ARHGAP24: variants seen among roughly 807,000 people sequenced by gnomAD.
ARHGAP24 encodes the protein rho GTPase-activating protein 24.
In ARHGAP24, 50 loss-of-function variants were observed where a neutral mutation model predicts 76.4. That is an observed-to-expected ratio of 0.65 (90% CI 0.52 to 0.83). ARHGAP24 has a LOEUF of 0.83. Ranked by LOEUF, ARHGAP24 falls within the 40% of genes least tolerant of loss-of-function variation. The pLI is 0.00. For missense variants in ARHGAP24, 930 were observed against 914.2 expected (o/e 1.02, Z -0.22); for synonymous variants, 345 against 323.3 (o/e 1.07, Z -0.72).
chr4:85,542,891 A>G (rs1342907069), intron 1 of ARHGAP24, among the ~76,000 whole-genome samples: 1 of 152,088 alleles, frequency 6.6e-6, no homozygotes, highest in Non-Finnish European at 1.5e-5. Context: ...TGAAATAGGG[A>G]TGATAATAAT....
chr4:85,666,181 A>G lies in ARHGAP24; in HGVS notation c.181-55704A>G, dbSNP rs865929579. On this transcript the variant is annotated intron_variant, in intron 2 of 9. Coordinates refer to ENST00000395184, the MANE Select transcript of ARHGAP24 (RefSeq NM_001025616.3). ...TCAGATGTAGATTTGGTCTTTTCACATAGTCCTGTATTTCTTGGAGGCTTT... is the reference window on the plus strand; with the variant it reads ...TCAGATGTAGATTTGGTCTTTTCACGTAGTCCTGTATTTCTTGGAGGCTTT... Among the ~76,000 whole-genome samples the G allele has an allele frequency of 3.9e-5, 6 of 152,196 alleles. No individual in the cohort carries two copies. The South Asian group carries it at 1.2e-3, about 31-fold the overall frequency.
At chr4:85,624,605 T>A (rs972119717) in intron 2 of ARHGAP24, among the ~76,000 whole-genome samples, 1 of 152,220 alleles carries the variant, frequency 6.6e-6, no homozygotes, top group African/African-American at 2.4e-5. Context: ...CCTCATAAAA[T>A]GAGTTATGGA....
chr4:85,647,440 G>T (rs1721765779), intron 2 of ARHGAP24, among the ~76,000 whole-genome samples: 1 of 152,034 alleles, frequency 6.6e-6, no homozygotes, highest in Non-Finnish European at 1.5e-5. Flanking sequence ...TGGTCACCAT[G>T]CTGTAGTAAT....
chr4:85,855,714 G>T (rs552233048), intron 3 of ARHGAP24, among the ~76,000 whole-genome samples: 1 of 151,312 alleles, frequency 6.6e-6, no homozygotes, highest in Admixed American at 6.6e-5. Context: ...GGAGGTGGAG[G>T]TTGCAGTGAT....
intron 2 of ARHGAP24, among the ~76,000 whole-genome samples, chr4:85,605,090 A>T (rs1720148029): frequency 1.3e-5 from 2 of 152,188 alleles, no homozygotes; most frequent in Non-Finnish European, 2.9e-5. Flanking sequence ...GAGAGAATGT[A>T]TTCACTCTAA....
chr4:85,676,033 AAC>A (rs1319298877), intron 2 of ARHGAP24, among the ~76,000 whole-genome samples: 4 of 152,320 alleles, frequency 2.6e-5, no homozygotes, highest in African/African-American at 9.6e-5. Flanking sequence ...AAGAAATGAA[AAC>A]AGTTTCCTAA....
intron 3 of ARHGAP24, among the ~76,000 whole-genome samples, chr4:85,837,528 A>G (rs1730354722): frequency 6.6e-6 from 1 of 151,994 alleles, no homozygotes; most frequent in South Asian, 2.1e-4. Context: ...GAGAAAAACA[A>G]AAAAAAACAA....
intron 1 of ARHGAP24, among the ~76,000 whole-genome samples, chr4:85,564,385 G>C (rs1726725187): frequency 6.9e-6 from 1 of 145,976 alleles, no homozygotes; most frequent in Non-Finnish European, 1.5e-5. Flanking sequence ...ACACACCGGG[G>C]CCTGTTGTGG....
At chr4:85,608,723 A>G (rs758728051) in intron 2 of ARHGAP24, among the ~76,000 whole-genome samples, 2 of 151,618 alleles carry the variant, frequency 1.3e-5, no homozygotes, top group Non-Finnish European at 2.9e-5. Flanking sequence ...CTGCCCAGCT[A>G]ATTTTTTTGT....
chr4:85,505,008 G>T (rs1348293597), intron 1 of ARHGAP24, among the ~76,000 whole-genome samples: 1 of 152,126 alleles, frequency 6.6e-6, no homozygotes, highest in African/African-American at 2.4e-5. Context: ...TGAAATTCTG[G>T]GTTGAAAAAT....
intron 2 of ARHGAP24, among the ~76,000 whole-genome samples, chr4:85,642,432 T>C (rs1379624095): frequency 6.6e-6 from 1 of 152,128 alleles, no homozygotes; most frequent in African/African-American, 2.4e-5. Flanking sequence ...GCGACTAATA[T>C]ATGTCTCAAA....
chr4:85,984,153 T>C (rs1739846756), intron 8 of ARHGAP24, among the ~76,000 whole-genome samples: 1 of 152,204 alleles, frequency 6.6e-6, no homozygotes, highest in South Asian at 2.1e-4. Context: ...AAGTAGGGAA[T>C]TATGGTATTT....
chr4:85,763,334 G>A (rs1241409903), intron 3 of ARHGAP24, among the ~76,000 whole-genome samples: 2 of 152,134 alleles, frequency 1.3e-5, no homozygotes, highest in Non-Finnish European at 2.9e-5. Flanking sequence ...GATGCCTGGG[G>A]CGCTTACATA....
chr4:85,624,322 T>C (rs1720840735), intron 2 of ARHGAP24, among the ~76,000 whole-genome samples: 1 of 152,154 alleles, frequency 6.6e-6, no homozygotes, highest in Non-Finnish European at 1.5e-5. Flanking sequence ...TCAAAGGCCT[T>C]TTCTGCATCT....
chr4:85,885,571 C>A (rs1211448265), intron 3 of ARHGAP24, among the ~76,000 whole-genome samples: 1 of 152,020 alleles, frequency 6.6e-6, no homozygotes, highest in Non-Finnish European at 1.5e-5. Context: ...TATAACAAAA[C>A]CATTCTTGGA....
At chr4:85,755,391 G>A (rs1469111361) in intron 3 of ARHGAP24, among the ~76,000 whole-genome samples, 1 of 152,080 alleles carries the variant, frequency 6.6e-6, no homozygotes. Flanking sequence ...CCCTACACTT[G>A]TAGACAAGAG....
chr4:85,640,929 T>C (rs879928707), intron 2 of ARHGAP24, among the ~76,000 whole-genome samples: 1 of 145,122 alleles, frequency 6.9e-6, no homozygotes, highest in Non-Finnish European at 1.5e-5. Context: ...AAATCAGGAA[T>C]GCAGCACTCA....
At chr4:85,495,326 G>C (rs922179881) in intron 1 of ARHGAP24, among the ~76,000 whole-genome samples, 1 of 145,358 alleles carries the variant, frequency 6.9e-6, no homozygotes, top group Non-Finnish European at 1.5e-5. Context: ...AGTCAAGTAA[G>C]TACAGAAGTA....
At chr4:85,620,952 C>A (rs1720697360) in intron 2 of ARHGAP24, among the ~76,000 whole-genome samples, 1 of 151,898 alleles carries the variant, frequency 6.6e-6, no homozygotes, top group African/African-American at 2.4e-5. Context: ...CTTTTGGAGT[C>A]CCTAGTATCT....
Sources: allele counts gnomAD v4.1 joint callset (sites outside exome capture counted in the v4.1 genomes callset), GRCh38; gene constraint gnomAD v4.1.1; transcripts MANE v1.5; gene names NCBI Gene and HGNC (gene_info 2026-07-23, HGNC 2026-07-21).